The following TTBK2 variants were observed in gnomAD, a reference collection of about 807,000 sequenced individuals.
TTBK2 encodes the protein tau-tubulin kinase 2.
TTBK2 carries 28 observed loss-of-function variants against 110.8 expected under a neutral mutation model. That is an observed-to-expected ratio of 0.25 (90% CI 0.19 to 0.35). The LOEUF (loss-of-function observed/expected upper bound fraction) is 0.35, where lower values mean the gene tolerates loss of function less well. Ranked by LOEUF, TTBK2 falls within the 10% of genes least tolerant of loss-of-function variation. The pLI is 1.00. For synonymous variants in TTBK2, 532 were observed against 527.3 expected (o/e 1.01, Z -0.12); for missense variants, 1,369 against 1,500.3 (o/e 0.91, Z 1.45).
At chr15:42,759,724 A>G (rs541505172) in intron 13 of TTBK2, among the ~76,000 whole-genome samples, 2 of 152,338 alleles carry the variant, frequency 1.3e-5, no homozygotes, top group African/African-American at 4.8e-5. Context: ...GCATCAAAGC[A>G]AAGGCACCAC....
intron 3 of TTBK2, among the ~76,000 whole-genome samples, chr15:42,843,758 CAAAAAAAAA>C (rs57403388): frequency 1.4e-4 from 10 of 71,664 alleles, no homozygotes; most frequent in South Asian, 3.9e-4. Context: ...GACTTGGTCT[CAAAAAAAAA>C]AAAAAAAAAA....
chr15:42,896,638 A>T (rs567299511), intron 1 of TTBK2, among the ~76,000 whole-genome samples: 2 of 152,000 alleles, frequency 1.3e-5, no homozygotes, highest in Admixed American at 6.6e-5. Context: ...GATTAAAATA[A>T]AAACAATTAG....
At position 42,752,445 on chromosome 15, in the gene TTBK2, A is replaced by T; in HGVS notation, c.2801T>A (p.Val934Asp). The T allele has an allele frequency of 6.2e-7, 1 of 1,614,166 alleles. No individual in the cohort carries two copies. The highest frequency in any genetic ancestry group is 8.5e-7 in the Non-Finnish European group (1 of 1,180,030). ...EHGAPTRKDM[V>D]RSSFVTRHSR... is the part of the protein sequence containing the mutation. ...GTGTCTAGTTACAAAGGATGACCTA[A>T]CCATATCCTTCCGGGTTGGGGCACC... is the stretch of plus-strand genomic sequence containing the variant. Residue 934 changes from valine to aspartate, a missense_variant, in exon 14 of 15, where the codon GTT (valine) becomes GAT (aspartate). Physicochemically the swap from Val to Asp is radical, Grantham distance 152 (BLOSUM62 -3). Transcript: ENST00000267890.
At chr15:42,876,608 A>G (rs1168875982) in intron 2 of TTBK2, among the ~76,000 whole-genome samples, 3 of 152,210 alleles carry the variant, frequency 2.0e-5, no homozygotes, top group Non-Finnish European at 4.4e-5. Flanking sequence ...TAAAAATTCT[A>G]TTTCTAAAGG....
At chr15:42,770,309 A>G (rs1410252254) in intron 13 of TTBK2, among the ~76,000 whole-genome samples, 1 of 152,136 alleles carries the variant, frequency 6.6e-6, no homozygotes, top group Non-Finnish European at 1.5e-5. Context: ...CAAAATTTCT[A>G]TCACAGCACC....
chr15:42,775,757 C>G (rs1567016984), intron 12 of TTBK2, 34 bp from the exon 13 acceptor site: 6 of 1,538,458 alleles, frequency 3.9e-6, no homozygotes, highest in Non-Finnish European at 5.3e-6. Context: ...CTCAACTGTC[C>G]TAAGGAAACA....
chr15:42,761,400 G>A (rs2062023204), intron 13 of TTBK2, among the ~76,000 whole-genome samples: 1 of 151,496 alleles, frequency 6.6e-6, no homozygotes, highest in South Asian at 2.1e-4. Context: ...CTACAAAATG[G>A]GAGAAAATAT....
intron 1 of TTBK2, among the ~76,000 whole-genome samples, chr15:42,892,704 CA>C (rs35331798): frequency 0.18 from 6,697 of 37,996 alleles, 134 homozygotes; most frequent in African/African-American, 0.27. Flanking sequence ...GACCCTGTCT[CA>C]AAAAAAAAAA....
chr15:42,834,308 C>T (rs1892903921), intron 4 of TTBK2, among the ~76,000 whole-genome samples: 1 of 152,016 alleles, frequency 6.6e-6, no homozygotes, highest in Admixed American at 6.6e-5. Context: ...CATAATTTCT[C>T]ATTTTTTAAA....
At chr15:42,789,288 T>C (rs1464654949) in intron 10 of TTBK2, among the ~76,000 whole-genome samples, 1 of 114,622 alleles carries the variant, frequency 8.7e-6, no homozygotes, top group African/African-American at 2.9e-5. Context: ...TTAAAATATA[T>C]ATACGTGTGT....
At chr15:42,870,194 A>G (rs1894560477) in intron 3 of TTBK2, among the ~76,000 whole-genome samples, 1 of 152,048 alleles carries the variant, frequency 6.6e-6, no homozygotes, top group South Asian at 2.1e-4. Context: ...TAATAATAAT[A>G]ATAAAATTCG....
At chr15:42,842,062 AATT>A (rs528492224) in intron 3 of TTBK2, among the ~76,000 whole-genome samples, 1 of 152,096 alleles carries the variant, frequency 6.6e-6, no homozygotes, top group African/African-American at 2.4e-5. Flanking sequence ...ATGAAACATT[AATT>A]ATTATTATTA....
intron 7 of TTBK2, among the ~76,000 whole-genome samples, chr15:42,815,926 T>A (rs1186059320): frequency 8.2e-5 from 5 of 61,224 alleles, no homozygotes; most frequent in Admixed American, 2.5e-4. Context: ...ATATATATAT[T>A]TAAAAATATA....
At chr15:42,829,801 G>T in intron 5 of TTBK2, 137 bp downstream of exon 5, 1 of 1,188,592 alleles carries the variant, frequency 8.4e-7, no homozygotes, top group Non-Finnish European at 1.2e-6. Context: ...TTGCTTCCAG[G>T]TCTCTATTGG....
intron 9 of TTBK2, among the ~76,000 whole-genome samples, chr15:42,799,173 T>C (rs1200091496): frequency 2.0e-5 from 3 of 151,944 alleles, no homozygotes; most frequent in Admixed American, 6.6e-5. Context: ...ATCGAGACCA[T>C]CCTCACTAAC....
chr15:42,900,870 C>T (rs534453819), intron 1 of TTBK2, among the ~76,000 whole-genome samples: 2 of 152,120 alleles, frequency 1.3e-5, no homozygotes, highest in South Asian at 2.1e-4. Context: ...TTTAACTCTC[C>T]CATACATGGT....
chr15:42,895,882 C>G (rs1327316350), intron 1 of TTBK2, among the ~76,000 whole-genome samples: 1 of 152,006 alleles, frequency 6.6e-6, no homozygotes, highest in Non-Finnish European at 1.5e-5. Context: ...AACATTTTCA[C>G]CATCCCAAAA....
intron 13 of TTBK2, among the ~76,000 whole-genome samples, chr15:42,757,095 T>C (rs1420015486): frequency 6.6e-6 from 1 of 151,998 alleles, no homozygotes. Flanking sequence ...CAGGTACTAT[T>C]ATCATTTTTT....
chr15:42,886,007 T>C (rs1895229364), intron 1 of TTBK2, among the ~76,000 whole-genome samples: 1 of 152,136 alleles, frequency 6.6e-6, no homozygotes, highest in African/African-American at 2.4e-5. Context: ...GGGCAAATGG[T>C]CTGAGGTGCC....
Sources: gnomAD v4.1 joint callset for allele counts (sites outside exome capture counted in the v4.1 genomes callset) on GRCh38, gnomAD v4.1.1 for gene constraint, MANE v1.5 for transcripts, NCBI Gene and HGNC (gene_info 2026-07-23, HGNC 2026-07-21) for gene names.